The following PCDH15 variants were observed in gnomAD, a reference collection of about 807,000 sequenced individuals.
The protein encoded by PCDH15 is protocadherin related 15.
A neutral mutation model predicts 178.5 loss-of-function variants in PCDH15; 129 were observed. That is an observed-to-expected ratio of 0.72 (90% CI 0.63 to 0.84). The LOEUF is 0.84. PCDH15 is among the 40% of genes least tolerant of loss of function. PCDH15 has a pLI of 0.00. For synonymous variants in PCDH15, 800 were observed against 732.0 expected (o/e 1.09, Z -1.50); for missense variants, 2,230 against 2,099.9 (o/e 1.06, Z -1.21).
At chr10:54,129,888 T>C (rs1338588893) in intron 15 of PCDH15, among the ~76,000 whole-genome samples, 1 of 152,174 alleles carries the variant, frequency 6.6e-6, no homozygotes, top group East Asian at 1.9e-4. Context: ...ACTGTGTTAC[T>C]ATTTTATGGG....
At chr10:54,551,301 C>A (rs1443629305) in intron 2 of PCDH15, among the ~76,000 whole-genome samples, 1 of 151,512 alleles carries the variant, frequency 6.6e-6, no homozygotes, top group African/African-American at 2.4e-5. Flanking sequence ...TGAATCAAGA[C>A]ATTTATATCG....
At chr10:55,518,799 A>T (rs1841082516) in intron 2 of PCDH15, among the ~76,000 whole-genome samples, 1 of 151,922 alleles carries the variant, frequency 6.6e-6, no homozygotes, top group Admixed American at 6.6e-5. Flanking sequence ...GAATCCTTAA[A>T]AACTCTTAAT....
chr10:54,871,649 TAATC>T (rs768216439), intron 3 of PCDH15, among the ~76,000 whole-genome samples: 4 of 152,048 alleles, frequency 2.6e-5, no homozygotes, highest in Admixed American at 6.6e-5. Flanking sequence ...GATTGATTAT[TAATC>T]AATCTATTAG....
At chr10:54,003,598 C>G (rs559805247) in intron 20 of PCDH15, among the ~76,000 whole-genome samples, 1 of 151,818 alleles carries the variant, frequency 6.6e-6, no homozygotes, top group African/African-American at 2.4e-5. Context: ...TATCAAGTAA[C>G]AAGATATAGC....
At chr10:54,204,364 AAG>A (rs869027534) in intron 10 of PCDH15, among the ~76,000 whole-genome samples, 1,724 of 60,650 alleles carry the variant, frequency 0.028, 35 homozygotes, top group African/African-American at 0.095. Flanking sequence ...CAAAAAAAAA[AAG>A]AGAAAAGTAA....
intron 32 of PCDH15, chr10:53,823,554 T>C (rs1375113636): frequency 4.3e-6 from 3 of 695,404 alleles, no homozygotes; most frequent in Non-Finnish European, 7.9e-6. Flanking sequence ...CTTAGAGTTG[T>C]GAGAAGAATG....
At chr10:53,984,239 TC>T (rs2090936916) in intron 21 of PCDH15, among the ~76,000 whole-genome samples, 1 of 139,136 alleles carries the variant, frequency 7.2e-6, no homozygotes, top group Non-Finnish European at 1.5e-5. Flanking sequence ...AAGTTCCGCC[TC>T]CTGGGTTCAC....
chr10:53,912,375 A>C (rs909448082), intron 25 of PCDH15, among the ~76,000 whole-genome samples: 1 of 152,182 alleles, frequency 6.6e-6, no homozygotes, highest in African/African-American at 2.4e-5. Flanking sequence ...TCCCTTTGAA[A>C]ACTGGCACAA....
intron 2 of PCDH15, among the ~76,000 whole-genome samples, chr10:54,995,174 A>G (rs914795727): frequency 6.6e-6 from 1 of 152,052 alleles, no homozygotes; most frequent in African/African-American, 2.4e-5. Flanking sequence ...CAGGAGATAG[A>G]GACCATCCTG....
chr10:55,396,539 C>G (rs1013061456), intron 2 of PCDH15, among the ~76,000 whole-genome samples: 2 of 152,074 alleles, frequency 1.3e-5, no homozygotes, highest in African/African-American at 4.8e-5. Context: ...AAATTGAGGT[C>G]TAATCGAGAC....
At chr10:54,555,821 T>C (rs1348794227) in intron 2 of PCDH15, among the ~76,000 whole-genome samples, 1 of 151,706 alleles carries the variant, frequency 6.6e-6, no homozygotes, top group Non-Finnish European at 1.5e-5. Flanking sequence ...CACACCTAAT[T>C]TGGACTATGG....
chr10:53,960,646 G>T (rs1353369374), intron 22 of PCDH15, among the ~76,000 whole-genome samples: 1 of 152,152 alleles, frequency 6.6e-6, no homozygotes, highest in Non-Finnish European at 1.5e-5. Context: ...TTTGGAAGCT[G>T]CAGGTTAACA....
chr10:55,529,481 G>T (rs1197774607), intron 2 of PCDH15, among the ~76,000 whole-genome samples: 3 of 151,724 alleles, frequency 2.0e-5, no homozygotes, highest in Admixed American at 1.3e-4. Flanking sequence ...CTCCCAAAGT[G>T]CTGGGATTAT....
intron 2 of PCDH15, among the ~76,000 whole-genome samples, chr10:54,925,592 A>G (rs1837600033): frequency 6.6e-6 from 1 of 151,872 alleles, no homozygotes; most frequent in African/African-American, 2.4e-5. Context: ...ATGTTTTTCC[A>G]TTTGTTTGTG....
intron 2 of PCDH15, among the ~76,000 whole-genome samples, chr10:55,098,657 G>GT (rs1022964830): frequency 1.3e-5 from 2 of 151,966 alleles, no homozygotes; most frequent in Non-Finnish European, 2.9e-5. Flanking sequence ...TAAGATTAGG[G>GT]TGGGGTGACC....
At chr10:54,357,694 C>T (rs1280431068) in intron 5 of PCDH15, among the ~76,000 whole-genome samples, 2 of 152,128 alleles carry the variant, frequency 1.3e-5, no homozygotes, top group African/African-American at 4.8e-5. Flanking sequence ...AAAAAAGAGC[C>T]TGCATCGCCA....
At chr10:54,199,601 C>T (rs7899627) in intron 10 of PCDH15, among the ~76,000 whole-genome samples, 1,085 of 57,892 alleles carry the variant, frequency 0.019, 10 homozygotes, top group African/African-American at 0.068. Context: ...TAATAATATA[C>T]TTTGCTCGTT....
At chr10:53,905,345 G>GT in intron 25 of PCDH15, 1 of 444,534 alleles carries the variant, frequency 2.2e-6, no homozygotes, top group South Asian at 1.7e-5. Context: ...TCTTTTTCTT[G>GT]TTTTTTGAGA....
chr10:55,264,991 G>A (rs141167713), intron 1 of PCDH15, among the ~76,000 whole-genome samples: 143 of 152,234 alleles, frequency 9.4e-4, no homozygotes, highest in Middle Eastern at 3.4e-3. Flanking sequence ...GGCAAGCCCA[G>A]GGAATTAAAG....
Sources: allele counts gnomAD v4.1 joint callset (sites outside exome capture counted in the v4.1 genomes callset), GRCh38; gene constraint gnomAD v4.1.1; transcripts MANE v1.5; gene names NCBI Gene and HGNC (gene_info 2026-07-23, HGNC 2026-07-21).